The following ACOX3 variants were observed in gnomAD, a reference collection of about 807,000 sequenced individuals.
ACOX3 encodes peroxisomal acyl-coenzyme A oxidase 3.
Under a neutral mutation model 81.5 loss-of-function variants are expected in ACOX3, and 73 were observed. The observed-to-expected ratio is 0.90, with a 90% CI of 0.74 to 1.09. The LOEUF (loss-of-function observed/expected upper bound fraction) is 1.09, where lower values mean the gene tolerates loss of function less well. ACOX3 is among the 50% of genes least tolerant of loss of function. The pLI, the probability that ACOX3 is intolerant of heterozygous loss-of-function variation, is 0.00. For missense variants in ACOX3, 947 were observed against 928.0 expected, an observed-to-expected ratio of 1.02 and a Z score of -0.27; for synonymous variants, 387 against 375.1, an observed-to-expected ratio of 1.03 and a Z score of -0.37.
intron 7 of ACOX3, among the ~76,000 whole-genome samples, chr4:8,404,855 C>T (rs1208008263): frequency 6.6e-6 from 1 of 152,176 alleles, no homozygotes; most frequent in Admixed American, 6.5e-5. Context: ...ATGGTCATAC[C>T]TTGTCCCACT....
chr4:8,378,585 A>C (rs1717258086), intron 14 of ACOX3, among the ~76,000 whole-genome samples: 1 of 151,678 alleles, frequency 6.6e-6, no homozygotes, highest in Non-Finnish European at 1.5e-5. Context: ...CCCAGGCTGG[A>C]GGCAGGCTGC....
chr4:8,377,968 C>T (rs1242489104), intron 14 of ACOX3, among the ~76,000 whole-genome samples: 2 of 152,162 alleles, frequency 1.3e-5, no homozygotes, highest in Non-Finnish European at 2.9e-5. Context: ...CAGGGCGGGG[C>T]TGGGCTCTGC....
rs4557247 is a variant in ACOX3, at chr4:8,405,226, C to T, written c.776+729G>A. Among the ~76,000 whole-genome samples the T allele has an allele frequency of 0.014, 2,088 of 152,336 alleles. 53 individuals are homozygous for T. Among genetic ancestry groups the T allele is most frequent in the African/African-American group, 0.047 (1,966 of 41,574 alleles). ...CTTGCGGCCTGGCCTCCCTACCCCGCCTGCATCCCAGCACAGGCCTGGGCC... is the reference window on the plus strand; with the variant it reads ...CTTGCGGCCTGGCCTCCCTACCCCGTCTGCATCCCAGCACAGGCCTGGGCC... On this transcript the variant is annotated intron_variant, in intron 7 of 17. Coordinates refer to ENST00000356406, the MANE Select transcript of ACOX3 (RefSeq NM_003501.3). This position sits in a 1 kb window ranked among gnomAD's most constrained non-coding sequence, Gnocchi z 7.1.
In ACOX3 at chr4:8,414,513, T is replaced by C; in HGVS notation, c.454-132A>G. On this transcript the variant is annotated intron_variant, in intron 4 of 17. Transcript: ENST00000356406. The surrounding 1 kb of genome is among the most constrained non-coding windows in gnomAD (Gnocchi z 6.1). Reference sequence around the variant, plus strand: ...AGCCCCAAATTTCCATCTACCCAACTAGTGACTTGACTGAGTCATGCTGCC... The same window carrying C: ...AGCCCCAAATTTCCATCTACCCAACCAGTGACTTGACTGAGTCATGCTGCC... 2 of 842,840 alleles carry C rather than the reference T, an allele frequency of 2.4e-6. No individual in the cohort carries two copies. Among genetic ancestry groups the C allele is most frequent in the Non-Finnish European group, 3.8e-6 (2 of 520,754 alleles). The allele number at this position is 842,840 out of a possible 1,614,324, so 52.2% of individuals were successfully genotyped here. A position where few individuals can be genotyped will look rare whatever the true frequency, so the allele number is the denominator to read the frequency against.
In ACOX3 at chr4:8,366,496, T is replaced by A. The variant is rs1246042688; in HGVS notation, c.*465A>T. ...TGTGCAAATTAATAAGGTTATGACA[T>A]AATTCAATTATGTGACAAAGCCGAG... On this transcript the variant is annotated 3_prime_UTR_variant, in exon 18 of 18. Coordinates refer to ENST00000356406, the MANE Select transcript of ACOX3 (RefSeq NM_003501.3). 6.4e-6 allele frequency: 1 copy of A among 156,364 alleles called. No individual in the cohort carries two copies. Among genetic ancestry groups the A allele is most frequent in the African/African-American group, 2.4e-5 (1 of 41,570 alleles). 9.7% of individuals were successfully genotyped at this position (156,364 alleles called of 1,614,324 possible). A position where few individuals can be genotyped will look rare whatever the true frequency, so the allele number is the denominator to read the frequency against.
intron 14 of ACOX3, among the ~76,000 whole-genome samples, chr4:8,379,115 G>A (rs973538919): frequency 2.0e-5 from 3 of 152,228 alleles, no homozygotes; most frequent in South Asian, 2.1e-4. Flanking sequence ...TGTGTCTTCC[G>A]ATTTTGTTTA....
chr4:8,381,931 T>C lies in ACOX3; in HGVS notation c.1538-324A>G, dbSNP rs1717707490. ...GCCCCCGAGTGGGACGGCTGCACGT[T>C]CTCGCACGCACCAGGCTCGGTCTGT... On this transcript the variant is annotated intron_variant, in intron 13 of 17. Transcript: ENST00000356406. The surrounding 1 kb of genome is among the most constrained non-coding windows in gnomAD (Gnocchi z 4.3). Among the ~76,000 whole-genome samples the C allele has an allele frequency of 6.6e-6, 1 of 152,248 alleles. No homozygotes were observed. Among genetic ancestry groups the C allele is most frequent in the Admixed American group, 6.5e-5 (1 of 15,288 alleles).
At chr4:8,415,073 T>C (rs1216836001) in intron 3 of ACOX3, 145 bp from the exon 4 acceptor site, 4 of 784,890 alleles carry the variant, frequency 5.1e-6, no homozygotes, top group Non-Finnish European at 8.5e-6. Context: ...GGAGAACAAG[T>C]GCTGAGAGGT....
At chr4:8,364,839 C>G (rs1715326300), downstream of ACOX3, among the ~76,000 whole-genome samples, 1 of 152,150 alleles carries the variant, frequency 6.6e-6, no homozygotes, top group African/African-American at 2.4e-5. This position sits in a 1 kb window ranked among gnomAD's most constrained non-coding sequence, Gnocchi z 5.0. Flanking sequence ...CATGAAAACC[C>G]CTCCGGAGAT....
chr4:8,403,497 G>A (rs922721624), intron 7 of ACOX3, among the ~76,000 whole-genome samples: 3 of 152,332 alleles, frequency 2.0e-5, no homozygotes, highest in African/African-American at 4.8e-5. Flanking sequence ...AAAGATGGAC[G>A]AATCCCACTG....
rs1412048445 is a variant in ACOX3 at position 8,430,374 on chromosome 4, A to G, written c.-15+10274T>C. 6.6e-6 allele frequency among the ~76,000 whole-genome samples: 1 copy of G among 152,196 alleles called. No homozygotes were observed. Among genetic ancestry groups the G allele is most frequent in the Non-Finnish European group, 1.5e-5 (1 of 68,040 alleles). ...CCCTGAATCCCCAGGAGCAACAAGG[A>G]TTGCCTGAAGACAAAGCAATCATGG... On this transcript the variant is annotated intron_variant, in intron 1 of 17. Transcript: ENST00000356406. This position sits in a 1 kb window ranked among gnomAD's most constrained non-coding sequence, Gnocchi z 5.2.
At chr4:8,397,189 G>A in intron 8 of ACOX3, 70 bp from the exon 9 acceptor site, 1 of 1,411,692 alleles carries the variant, frequency 7.1e-7, no homozygotes, top group South Asian at 1.6e-5. Flanking sequence ...TGGCTCAGAG[G>A]CGAAGGTGCC....
In ACOX3 at chr4:8,366,580, T is replaced by C; in HGVS notation, c.*381A>G. 1 of 169,840 alleles carries C rather than the reference T, an allele frequency of 5.9e-6. No individual in the cohort carries two copies. Among genetic ancestry groups the C allele is most frequent in the Non-Finnish European group, 1.3e-5 (1 of 78,522 alleles). 10.5% of individuals were successfully genotyped at this position (169,840 alleles called of 1,614,324 possible). On this transcript the variant is annotated 3_prime_UTR_variant, in exon 18 of 18. Transcript: ENST00000356406. ...GACTTCTCAATGAAGTGGAGCTCGG[T>C]AAAAAATCTAGATGAATCACAGGTT...
chr4:8,370,646 T>C lies in ACOX3; in HGVS notation c.1983+262A>G, dbSNP rs1716067806. Among the ~76,000 whole-genome samples the C allele has an allele frequency of 6.6e-6, 1 of 151,946 alleles. No homozygotes were observed. The highest frequency in any genetic ancestry group is 1.9e-4 in the East Asian group (1 of 5,158). ...TGTGTGGACCTCCAACCTCTGCCTG[T>C]GCAGGCGGGCAGTGCCACCACCCCA... On this transcript the variant is annotated intron_variant, in intron 17 of 17. Transcript: ENST00000356406. The surrounding 1 kb of genome is among the most constrained non-coding windows in gnomAD (Gnocchi z 6.3).
intron 1 of ACOX3, among the ~76,000 whole-genome samples, chr4:8,421,641 C>A (rs1162991955): frequency 6.6e-6 from 1 of 152,216 alleles, no homozygotes; most frequent in Non-Finnish European, 1.5e-5. Flanking sequence ...AGACTCACTT[C>A]CTCTCCCAAG....
chr4:8,434,415 T>C (rs771871210), intron 1 of ACOX3, among the ~76,000 whole-genome samples: 3 of 152,202 alleles, frequency 2.0e-5, no homozygotes, highest in Non-Finnish European at 4.4e-5. Context: ...GCGAGGTGAT[T>C]AAGGGACGTT....
In ACOX3 at chr4:8,385,999, TA is replaced by T. The variant is rs1389758107; in HGVS notation, c.1537+3173del. Among the ~76,000 whole-genome samples, 1 of 152,218 alleles carries T rather than the reference TA, an allele frequency of 6.6e-6. No individual in the cohort carries two copies. Among genetic ancestry groups the T allele is most frequent in the Non-Finnish European group, 1.5e-5 (1 of 68,038 alleles). ...AACGTTTTCACTTTGTTGCATCTTG[TA>T]AATATTAGAGCAGTTGCAGAAAAGC... On this transcript the variant is annotated intron_variant, in intron 13 of 17. Transcript: ENST00000356406. The surrounding 1 kb of genome is among the most constrained non-coding windows in gnomAD (Gnocchi z 5.5).
rs1208380068 is a variant in ACOX3 at position 8,370,898 on chromosome 4, CT to C, written c.1983+9del. On this transcript the variant is annotated intron_variant, in intron 17 of 17. Transcript: ENST00000356406. This position sits in a 1 kb window ranked among gnomAD's most constrained non-coding sequence, Gnocchi z 6.3. Reference sequence around the variant, plus strand: ...TGGGGCACTCCCGTGAGGCCCTGTCCTCCCTTTACCTCGCCGTCGGCTCTGC... The same window carrying C: ...TGGGGCACTCCCGTGAGGCCCTGTCCCCCTTTACCTCGCCGTCGGCTCTGC... The C allele has an allele frequency of 1.2e-6, 2 of 1,612,938 alleles. No individual in the cohort carries two copies.
At chr4:8,417,804 G>A (rs1170138002) in intron 1 of ACOX3, among the ~76,000 whole-genome samples, 2 of 152,206 alleles carry the variant, frequency 1.3e-5, no homozygotes, top group Non-Finnish European at 2.9e-5. Context: ...CAAACTTTCA[G>A]CTAGACTGGC....
Sources: gnomAD v4.1 joint callset for allele counts (sites outside exome capture counted in the v4.1 genomes callset) on GRCh38, gnomAD v4.1.1 for gene constraint, Gnocchi (gnomAD v3.1) non-coding constraint, MANE v1.5 for transcripts, NCBI Gene and HGNC (gene_info 2026-07-23, HGNC 2026-07-21) for gene names.